The following DEGS2 variants were observed in gnomAD, a reference collection of about 807,000 sequenced individuals.
DEGS2 encodes sphingolipid delta(4)-desaturase/C4-monooxygenase DES2.
Under a neutral mutation model 23.8 loss-of-function variants are expected in DEGS2, and 19 were observed. That is an observed-to-expected ratio of 0.80 (90% CI 0.56 to 1.17). The LOEUF (loss-of-function observed/expected upper bound fraction) is 1.17. Ranked by LOEUF, DEGS2 falls within the 50% of genes most tolerant of loss-of-function variation. DEGS2 has a pLI of 0.00. For missense variants in DEGS2, 390 were observed against 459.5 expected, an observed-to-expected ratio of 0.85 and a Z score of 1.38; for synonymous variants, 218 against 213.7, an observed-to-expected ratio of 1.02 and a Z score of -0.18.
the DEGS2 span, among the ~76,000 whole-genome samples, chr14:100,166,378 G>GGGGAGCCTGCCCGGGGCTGTGGA: frequency 1.4e-5 from 2 of 140,388 alleles, no homozygotes; most frequent in Non-Finnish European, 3.1e-5. Context: ...GGGGCTGTGG[G>GGGGAGCCTGCCCGGGGCTGTGGA]GGAGGCTGCT....
At position 100,159,643 on chromosome 14, in the gene DEGS2, C is replaced by A; in HGVS notation, c.-56G>T. On this transcript the variant is annotated 5_prime_UTR_variant, in exon 1 of 3. Coordinates refer to ENST00000305631, the MANE Select transcript of DEGS2 (RefSeq NM_206918.3). ...GCCGGCTCGGCTCTGCTGCACCTGTCGCGGCGGCCGCGGCGCGGAACCAGC... is the reference window on the plus strand; with the variant it reads ...GCCGGCTCGGCTCTGCTGCACCTGTAGCGGCGGCCGCGGCGCGGAACCAGC... 2.1e-6 allele frequency: 2 copies of A among 949,894 alleles called. No individual in the cohort carries two copies. The highest frequency in any genetic ancestry group is 1.8e-5 in the South Asian group (1 of 54,234). 58.8% of individuals were successfully genotyped at this position (949,894 alleles called of 1,614,324 possible). A position where few individuals can be genotyped will look rare whatever the true frequency, so the allele number is the denominator to read the frequency against.
At position 100,149,511 on chromosome 14, in the gene DEGS2, G is replaced by C; in HGVS notation, c.282C>G (p.Asn94Lys). ...LTLAIHDISH[N>K]AAFGTGRAAR... is the part of the protein sequence containing the mutation. ...CCGCACGGCCCGTGCCGAAGGCCGC[G>C]TTGTGCGAGATGTCGTGGATGGCCA... Residue 94 changes from asparagine (N) to lysine (K), a missense_variant, in exon 2 of 3, where the codon AAC becomes AAG. Physicochemically the swap from Asn to Lys is moderately conservative, Grantham distance 94. Coordinates refer to ENST00000305631, the MANE Select transcript of DEGS2 (RefSeq NM_206918.3). 1 of 1,601,502 alleles carries C rather than the reference G, an allele frequency of 6.2e-7. No individual in the cohort carries two copies. Among genetic ancestry groups the C allele is most frequent in the Non-Finnish European group, 8.5e-7 (1 of 1,175,518 alleles).
At chr14:100,148,265 GAC>G (rs1319206452) in intron 2 of DEGS2, among the ~76,000 whole-genome samples, 3 of 152,214 alleles carry the variant, frequency 2.0e-5, no homozygotes, top group Non-Finnish European at 2.9e-5. Context: ...CTCACACACA[GAC>G]ACGTGCACAC....
At chr14:100,165,815 G>C in the DEGS2 span, among the ~76,000 whole-genome samples, 3 of 149,478 alleles carry the variant, frequency 2.0e-5, no homozygotes, top group Non-Finnish European at 4.5e-5. Context: ...GGCAAACAGA[G>C]CTGCTGTTTG....
At chr14:100,148,534 CAA>C (rs1889498738) in intron 2 of DEGS2, among the ~76,000 whole-genome samples, 4 of 152,236 alleles carry the variant, frequency 2.6e-5, no homozygotes, top group Admixed American at 1.3e-4. Flanking sequence ...CAGCTCTGCC[CAA>C]GCCCCTTGGG....
intron 1 of DEGS2, among the ~76,000 whole-genome samples, chr14:100,155,065 G>T (rs1247111226): frequency 6.6e-6 from 1 of 151,854 alleles, no homozygotes. Flanking sequence ...GAGGCCAAAT[G>T]CCATCATATG....
chr14:100,163,451 A>C (rs1782593930), upstream of DEGS2, among the ~76,000 whole-genome samples: 1 of 152,140 alleles, frequency 6.6e-6, no homozygotes, highest in Non-Finnish European at 1.5e-5. Flanking sequence ...TCAAAAAATA[A>C]AATAAAAATA....
chr14:100,159,237 G>T (rs994318859), intron 1 of DEGS2, among the ~76,000 whole-genome samples: 1 of 152,158 alleles, frequency 6.6e-6, no homozygotes, highest in Middle Eastern at 3.2e-3. Flanking sequence ...GGAGTGGCTC[G>T]CGAGGAACAG....
chr14:100,146,505 T>C lies in DEGS2; in HGVS notation c.*256A>G. On this transcript the variant is annotated 3_prime_UTR_variant, in exon 3 of 3. Coordinates refer to ENST00000305631, the MANE Select transcript of DEGS2 (RefSeq NM_206918.3). ...GAACCGTGGGCTCAGAGCACCCAGG[T>C]CATGGTGGGGCAGGGCCAGGCCTCA... 1 of 481,272 alleles carries C rather than the reference T, an allele frequency of 2.1e-6. No individual in the cohort carries two copies. Among genetic ancestry groups the C allele is most frequent in the South Asian group, 2.8e-5 (1 of 35,666 alleles). The allele number at this position is 481,272 out of a possible 1,614,324, so 29.8% of individuals were successfully genotyped here. A position where few individuals can be genotyped will look rare whatever the true frequency, so the allele number is the denominator to read the frequency against.
Position 100,144,071 on chromosome 14 carries a change from G to A in DEGS2, c.*2690C>T, listed in dbSNP as rs529147663. 17 of 375,560 alleles carry A rather than the reference G, an allele frequency of 4.5e-5. No individual in the cohort carries two copies. Among genetic ancestry groups the A allele is most frequent in the East Asian group, 1.1e-4 (2 of 18,258 alleles). The allele number at this position is 375,560 out of a possible 1,614,324, so 23.3% of individuals were successfully genotyped here. A position where few individuals can be genotyped will look rare whatever the true frequency, so the allele number is the denominator to read the frequency against. On this transcript the variant is annotated 3_prime_UTR_variant, in exon 3 of 3. Transcript: ENST00000305631. ...GTTTCCAGGTTTTCTCCCAGGTGAC[G>A]CTGTTAGCGCCTCAGCTGGCGGTGA... is the stretch of plus-strand genomic sequence containing the variant.
At chr14:100,164,177 C>CA, upstream of DEGS2, among the ~76,000 whole-genome samples, 1 of 151,916 alleles carries the variant, frequency 6.6e-6, no homozygotes, top group Non-Finnish European at 1.5e-5. Context: ...AAGCACTCTT[C>CA]CTGCCTCGGC....
chr14:100,149,791 A>G, intron 1 of DEGS2, 81 bp from the exon 2 acceptor site: 1 of 1,421,906 alleles, frequency 7.0e-7, no homozygotes, highest in South Asian at 1.4e-5. Flanking sequence ...GCAGTGGCCG[A>G]GGGGTGAGAA....
upstream of DEGS2, among the ~76,000 whole-genome samples, chr14:100,161,868 G>C (rs187575418): frequency 3.6e-4 from 54 of 151,682 alleles, no homozygotes; most frequent in East Asian, 0.01. Flanking sequence ...TCAGGAGTTC[G>C]AGACCAGTCT....
chr14:100,146,768 C>G lies in DEGS2; in HGVS notation c.965G>C (p.Gly322Ala). 6.2e-7 allele frequency: 1 copy of G among 1,613,330 alleles called. No homozygotes were observed. The highest frequency in any genetic ancestry group is 8.5e-7 in the Non-Finnish European group (1 of 1,179,684). The change falls in exon 3 of 3, where the codon GGT becomes GCT. Residue 322 changes from glycine (G) to alanine (A), a missense_variant. Gly to Ala is a moderately conservative substitution (Grantham distance 60). Transcript: ENST00000305631. ...VKRVYRLAKDGL is the reference protein window; with the variant it reads ...VKRVYRLAKDAL ...CCAGGAGGCAGCCCGGGCTCACAGACCATCTTTTGCCAGCCTGTACACCCG... is the reference window on the plus strand; with the variant it reads ...CCAGGAGGCAGCCCGGGCTCACAGAGCATCTTTTGCCAGCCTGTACACCCG...
At chr14:100,154,669 C>T (rs1566742669) in intron 1 of DEGS2, among the ~76,000 whole-genome samples, 1 of 152,258 alleles carries the variant, frequency 6.6e-6, no homozygotes, top group African/African-American at 2.4e-5. Flanking sequence ...GCCCAAAGCC[C>T]CCTGCACCCA....
chr14:100,151,421 A>C (rs1003576656), intron 1 of DEGS2, among the ~76,000 whole-genome samples: 1 of 152,214 alleles, frequency 6.6e-6, no homozygotes, highest in African/African-American at 2.4e-5. Context: ...CATGGGCAGC[A>C]CAGGGCGCGA....
chr14:100,161,764 G>C (rs915099763), upstream of DEGS2, among the ~76,000 whole-genome samples: 1 of 152,172 alleles, frequency 6.6e-6, no homozygotes, highest in African/African-American at 2.4e-5. Context: ...TAAATATAAA[G>C]CTGTTCTGAA....
At position 100,146,775 on chromosome 14, in the gene DEGS2, T is replaced by C. The variant is rs1889452654; in HGVS notation, c.958A>G (p.Lys320Glu). 6.2e-7 allele frequency: 1 copy of C among 1,613,420 alleles called. No individual in the cohort carries two copies. The stretch of plus-strand genomic sequence containing the variant: ...GCAGCCCGGGCTCACAGACCATCTT[T>C]TGCCAGCCTGTACACCCGCTTCACC... ...ARVKRVYRLA[K>E]DGL Residue 320 changes from lysine (K) to glutamate (E), a missense_variant, in exon 3 of 3, where the codon AAA becomes GAA. Physicochemically the swap from Lys to Glu is moderately conservative, Grantham distance 56. Transcript: ENST00000305631.
Position 100,147,045 on chromosome 14 carries a change from C to G in DEGS2, c.826-138G>C, listed in dbSNP as rs978092785. ...CGAACATGTTTGCGCGCGCGCACAC[C>G]CACACACACACATGGGTGTACATAA... On this transcript the variant is annotated intron_variant, in intron 2 of 2. Coordinates refer to ENST00000305631, the MANE Select transcript of DEGS2 (RefSeq NM_206918.3). 1.6e-5 allele frequency: 15 copies of G among 951,382 alleles called. No homozygotes were observed. In the African/African-American group the frequency reaches 2.0e-4, roughly 13 times the overall value. 58.9% of individuals were successfully genotyped at this position (951,382 alleles called of 1,614,324 possible). A position where few individuals can be genotyped will look rare whatever the true frequency, so the allele number is the denominator to read the frequency against.
Sources: allele counts gnomAD v4.1 joint callset (sites outside exome capture counted in the v4.1 genomes callset), GRCh38; gene constraint gnomAD v4.1.1; transcripts MANE v1.5; gene names NCBI Gene and HGNC (gene_info 2026-07-23, HGNC 2026-07-21).